Variants in CILP observed in about 807,000 individuals in gnomAD.
The protein encoded by CILP is cartilage intermediate layer protein.
In CILP, 75 loss-of-function variants were observed where a neutral mutation model predicts 82.5. That is an observed-to-expected ratio of 0.91 (90% CI 0.75 to 1.10). The LOEUF (loss-of-function observed/expected upper bound fraction) is 1.10, where lower values mean the gene tolerates loss of function less well. CILP is among the 50% of genes least tolerant of loss of function. The pLI is 0.00. For synonymous variants in CILP, 530 were observed against 580.3 expected (o/e 0.91, Z 1.25); for missense variants, 1,479 against 1,530.8 (o/e 0.97, Z 0.56).
At chr15:65,208,746 G>A (rs2088549430) in intron 2 of CILP, among the ~76,000 whole-genome samples, 1 of 152,196 alleles carries the variant, frequency 6.6e-6, no homozygotes, top group African/African-American at 2.4e-5. Flanking sequence ...AGCTTTGACA[G>A]GCAATTAACG....
rs111378919 is a variant in CILP, at chr15:65,204,595, G to A, written c.605-13C>T. The A allele has an allele frequency of 1.7e-4, 264 of 1,580,126 alleles. 3 individuals are homozygous for A. The African/African-American group carries it at 2.6e-3, about 15-fold the overall frequency. On this transcript the variant is annotated splice_polypyrimidine_tract_variant and intron_variant, in intron 5 of 8. Transcript: ENST00000261883. ...GTCAGGTCACAGGCTGTGGAACAAG[G>A]GGCCATATCAGCAGGGATTCTATGG...
rs759581623 is a variant in CILP, at chr15:65,203,365, A to G, written c.1025T>C (p.Phe342Ser). The change falls in exon 7 of 9, where the codon TTT becomes TCT. Residue 342 changes from phenylalanine to serine, a missense_variant. Transcript: ENST00000261883. The stretch of plus-strand genomic sequence containing the variant: ...GGGTAGCTAGCAGAATACGCACCAA[A>G]AATACTTGTCTGGCCTGGGCTTCCC... The part of the protein sequence containing the change: ...ATGKPRPDKY[F>S]WYHNDTLLDP... 11 of 1,612,614 alleles carry G rather than the reference A, an allele frequency of 6.8e-6. No individual in the cohort carries two copies. In the South Asian group the frequency reaches 8.8e-5, roughly 13 times the overall value.
At position 65,206,987 on chromosome 15, in the gene CILP, C is replaced by A; in HGVS notation, c.219G>T (p.Arg73=). 2 of 1,613,982 alleles carry A rather than the reference C, an allele frequency of 1.2e-6. No homozygotes were observed. Among genetic ancestry groups the A allele is most frequent in the Non-Finnish European group, 1.7e-6 (2 of 1,179,980 alleles). The change falls in exon 4 of 9, where the codon CGG becomes CGT. Residue 73 remains arginine, a synonymous_variant. Coordinates refer to ENST00000261883, the MANE Select transcript of CILP (RefSeq NM_003613.4). ...DYPGGKGDYE[R]LDAIRFYYGD... is the part of the protein sequence containing the mutation. ...CATAGTAGAAGCGAATGGCGTCCAG[C>A]CGCTCATAGTCGCCCTTCCCGCCTG...
chr15:65,210,671 A>G (rs2088576265), intron 1 of CILP, among the ~76,000 whole-genome samples: 1 of 152,200 alleles, frequency 6.6e-6, no homozygotes, highest in South Asian at 2.1e-4. Context: ...GGGGATTCAA[A>G]AGTGGTTCCC....
intron 8 of CILP, 144 bp from the exon 9 acceptor site, chr15:65,199,243 G>C: frequency 1.6e-6 from 1 of 635,100 alleles, no homozygotes; most frequent in Non-Finnish European, 2.7e-6. Flanking sequence ...CTCTCTGAGA[G>C]GATAGAACAG....
chr15:65,207,560 T>C, intron 3 of CILP, 112 bp downstream of exon 3: 1 of 869,956 alleles, frequency 1.1e-6, no homozygotes, highest in South Asian at 1.5e-5. Context: ...CAAATGCTTG[T>C]AAAAGTGGGT....
chr15:65,202,573 A>G (rs2517384), intron 7 of CILP, among the ~76,000 whole-genome samples: 95,060 of 151,724 alleles, frequency 0.63, 30,419 homozygotes, highest in African/African-American at 0.7. Flanking sequence ...GATTACAGGC[A>G]TGCACCACCA....
rs2088408989 is a variant in CILP, at chr15:65,198,529, A to T, written c.1757T>A (p.Ile586Asn). 1 of 1,614,206 alleles carries T rather than the reference A, an allele frequency of 6.2e-7. No individual in the cohort carries two copies. The highest frequency in any genetic ancestry group is 8.5e-7 in the Non-Finnish European group (1 of 1,180,028). Residue 586 changes from isoleucine (I) to asparagine (N), a missense_variant, in exon 9 of 9, where the codon ATC becomes AAC. Ile to Asn is a moderately radical substitution (Grantham distance 149). Coordinates refer to ENST00000261883, the MANE Select transcript of CILP (RefSeq NM_003613.4). Reference sequence around the variant, plus strand: ...ACCAACCACTTCCCCCAGGGGGATGATGTTGGTCTCCATGGCTTCCAAAGT... The same window carrying T: ...ACCAACCACTTCCCCCAGGGGGATGTTGTTGGTCTCCATGGCTTCCAAAGT... ...PITLEAMETNIIPLGEVVGED... is the reference protein window; with the variant it reads ...PITLEAMETNNIPLGEVVGED...
rs1189897562 is a variant in CILP at position 65,197,836 on chromosome 15, G to A, written c.2450C>T (p.Pro817Leu). Residue 817 changes from proline (P) to leucine (L), a missense_variant, in exon 9 of 9, where the codon CCT becomes CTT. Pro to Leu is a moderately conservative substitution (Grantham distance 98). Transcript: ENST00000261883. The stretch of plus-strand genomic sequence containing the variant: ...CAAGACATAGGCAGAGTAGGCATCA[G>A]GGGACTGGTCATCACAGAAGGCAGG... ...CVPAFCDDQS[P>L]DAYSAYVLAS... is the part of the protein sequence containing the mutation. 6.2e-7 allele frequency: 1 copy of A among 1,614,128 alleles called. No homozygotes were observed. The highest frequency in any genetic ancestry group is 8.5e-7 in the Non-Finnish European group (1 of 1,180,036).
In CILP at chr15:65,208,256, C is replaced by T. The variant is rs8031591; in HGVS notation, c.62-492G>A. 6.1e-3 allele frequency among the ~76,000 whole-genome samples: 928 copies of T among 152,208 alleles called. 10 individuals carry two copies. The highest frequency in any genetic ancestry group is 0.021 in the African/African-American group (884 of 41,520). Reference sequence around the variant, plus strand: ...GGCATGAGGATTCCATGAGCTAGAACGTAAAAGCCTCTGAAGTATATGCAG... The same window carrying T: ...GGCATGAGGATTCCATGAGCTAGAATGTAAAAGCCTCTGAAGTATATGCAG... On this transcript the variant is annotated intron_variant, in intron 2 of 8. Coordinates refer to ENST00000261883, the MANE Select transcript of CILP (RefSeq NM_003613.4).
chr15:65,198,381 G>C lies in CILP; in HGVS notation c.1905C>G (p.Ala635=). 6.2e-7 allele frequency: 1 copy of C among 1,614,196 alleles called. No individual in the cohort carries two copies. Among genetic ancestry groups the C allele is most frequent in the Non-Finnish European group, 8.5e-7 (1 of 1,180,038 alleles). The change falls in exon 9 of 9, where the codon GCC becomes GCG. Residue 635 remains alanine, a synonymous_variant. Transcript: ENST00000261883. ...AGTTCAGGTCAGTCTGGGCAGCTGT[G>C]GCTGTGGAAATATTCCGGGGATCCA... The part of the protein sequence containing the change: ...TFLDPRNIST[A]TAAQTDLNFI...
At position 65,205,311 on chromosome 15, in the gene CILP, G is replaced by C. The variant is rs745512630; in HGVS notation, c.580C>G (p.His194Asp). 7.4e-6 allele frequency: 12 copies of C among 1,613,940 alleles called. No homozygotes were observed. The highest frequency in any genetic ancestry group is 1.0e-5 in the Non-Finnish European group (12 of 1,179,964). Reference protein sequence around the residue: ...LCSEASEEGQHCMGQDCTACD... With the variant: ...LCSEASEEGQDCMGQDCTACD... ...CCTGTACAGTCCTGGCCCATGCAGT[G>C]CTGACCCTCTTCGCTGGCCTCACTG... The change falls in exon 5 of 9, where the codon CAC (histidine) becomes GAC (aspartate). Residue 194 changes from histidine to aspartate, a missense_variant. By Grantham distance (81) the His-to-Asp change is moderately conservative. Coordinates refer to ENST00000261883, the MANE Select transcript of CILP (RefSeq NM_003613.4).
At chr15:65,205,585 G>T in intron 4 of CILP, 119 bp from the exon 5 acceptor site, 1 of 985,748 alleles carries the variant, frequency 1.0e-6, no homozygotes, top group Non-Finnish European at 1.5e-6. Context: ...TGTCGTAGAT[G>T]TCACTGATAT....
At position 65,196,659 on chromosome 15, in the gene CILP, A is replaced by G; in HGVS notation, c.*72T>C. 4.6e-6 allele frequency: 6 copies of G among 1,303,248 alleles called. No homozygotes were observed. Among genetic ancestry groups the G allele is most frequent in the Non-Finnish European group, 6.3e-6 (6 of 952,166 alleles). The allele number at this position is 1,303,248 out of a possible 1,614,324, so 80.7% of individuals were successfully genotyped here. The stretch of plus-strand genomic sequence containing the variant: ...CAGAAGTGCTTAAATTAACCAAGTG[A>G]CAGTTTGTGCATCAGTCTCACAATG... On this transcript the variant is annotated 3_prime_UTR_variant, in exon 9 of 9. Coordinates refer to ENST00000261883, the MANE Select transcript of CILP (RefSeq NM_003613.4).
chr15:65,205,257 C>A, intron 5 of CILP, 30 bp downstream of exon 5: 1 of 1,574,010 alleles, frequency 6.4e-7, no homozygotes, highest in South Asian at 1.1e-5. Flanking sequence ...CCCACCACAC[C>A]CTGCCCAGTG....
Position 65,198,062 on chromosome 15 carries a change from A to G in CILP, c.2224T>C (p.Phe742Leu). The change falls in exon 9 of 9, where the codon TTT becomes CTT. Residue 742 changes from phenylalanine (F) to leucine (L), a missense_variant. Coordinates refer to ENST00000261883, the MANE Select transcript of CILP (RefSeq NM_003613.4). ...GNLEIRERRL[F>L]NLDVPESRRC... is the part of the protein sequence containing the mutation. ...CTGCTTTCAGGAACATCCAGGTTAA[A>G]GAGCCTCCTCTCACGAATCTCCAGG... 1 of 1,614,234 alleles carries G rather than the reference A, an allele frequency of 6.2e-7. No individual in the cohort carries two copies. Among genetic ancestry groups the G allele is most frequent in the East Asian group, 2.2e-5 (1 of 44,886 alleles).
intron 7 of CILP, among the ~76,000 whole-genome samples, chr15:65,202,744 TG>T (rs1484463904): frequency 6.6e-6 from 1 of 151,404 alleles, no homozygotes; most frequent in Non-Finnish European, 1.5e-5. Context: ...TTGCTTTTAT[TG>T]GGAAAAGCAG....
At chr15:65,204,195 C>T in intron 6 of CILP, 73 bp downstream of exon 6, 1 of 1,428,080 alleles carries the variant, frequency 7.0e-7, no homozygotes, top group South Asian at 1.2e-5. Flanking sequence ...GGGAAGCCAG[C>T]TTTTAGCACT....
chr15:65,201,726 C>T lies in CILP; in HGVS notation c.1186+146G>A, dbSNP rs532792713. On this transcript the variant is annotated intron_variant, in intron 8 of 8. Coordinates refer to ENST00000261883, the MANE Select transcript of CILP (RefSeq NM_003613.4). The stretch of plus-strand genomic sequence containing the variant: ...CCTGGGTGACACAGCGAGACTCCAT[C>T]TCAAAAAAAAAAAAAAAAAAAAAAG... 8.4e-6 allele frequency: 3 copies of T among 356,790 alleles called. No individual in the cohort carries two copies. In the South Asian group the frequency reaches 2.2e-4, roughly 26 times the overall value. The allele number at this position is 356,790 out of a possible 1,614,324, so 22.1% of individuals were successfully genotyped here. A position where few individuals can be genotyped will look rare whatever the true frequency, so the allele number is the denominator to read the frequency against.
Sources: allele counts gnomAD v4.1 joint callset (sites outside exome capture counted in the v4.1 genomes callset), GRCh38; gene constraint gnomAD v4.1.1; transcripts MANE v1.5; gene names NCBI Gene and HGNC (gene_info 2026-07-23, HGNC 2026-07-21).